PDGFC: variants seen among roughly 807,000 people sequenced by gnomAD.
The protein encoded by PDGFC is platelet-derived growth factor C.
Under a neutral mutation model 35.5 loss-of-function variants are expected in PDGFC, and 12 were observed. The observed-to-expected ratio is 0.34, with a 90% CI of 0.22 to 0.55. The LOEUF (loss-of-function observed/expected upper bound fraction) is 0.55. Ranked by LOEUF, PDGFC falls within the 20% of genes least tolerant of loss-of-function variation. PDGFC has a pLI of 0.91. For missense variants in PDGFC, 322 were observed against 412.4 expected (o/e 0.78, Z 1.90); for synonymous variants, 159 against 148.8 (o/e 1.07, Z -0.50).
At chr4:156,944,991 G>T (rs1247365495) in intron 1 of PDGFC, among the ~76,000 whole-genome samples, 1 of 151,754 alleles carries the variant, frequency 6.6e-6, no homozygotes, top group Admixed American at 6.6e-5. Context: ...CAAGATCTGT[G>T]CTCAAAGTCA....
chr4:156,849,968 T>C (rs1431678247), intron 2 of PDGFC, among the ~76,000 whole-genome samples: 1 of 152,124 alleles, frequency 6.6e-6, no homozygotes, highest in Non-Finnish European at 1.5e-5. Context: ...ATTCCATGTA[T>C]GCTTTTTTAC....
intron 2 of PDGFC, among the ~76,000 whole-genome samples, chr4:156,828,466 C>G (rs1728840871): frequency 6.6e-6 from 1 of 152,116 alleles, no homozygotes; most frequent in African/African-American, 2.4e-5. Context: ...TTCCAGATTT[C>G]TAGGAAAGAA....
At chr4:156,845,161 GAAC>G (rs1412486847) in intron 2 of PDGFC, among the ~76,000 whole-genome samples, 1 of 151,536 alleles carries the variant, frequency 6.6e-6, no homozygotes, top group Non-Finnish European at 1.5e-5. Context: ...TAAAAGAAGA[GAAC>G]AATAGATATT....
chr4:156,955,549 C>T (rs1421093742), intron 1 of PDGFC, among the ~76,000 whole-genome samples: 2 of 151,544 alleles, frequency 1.3e-5, no homozygotes, highest in African/African-American at 2.4e-5. Context: ...TGGGAAAAAC[C>T]CTATTTGCTG....
In PDGFC at chr4:156,763,165, G is replaced by C. The variant is rs1232243537; in HGVS notation, c.963C>G (p.His321Gln). 1 of 1,612,390 alleles carries C rather than the reference G, an allele frequency of 6.2e-7. No individual in the cohort carries two copies. Among genetic ancestry groups the C allele is most frequent in the East Asian group, 2.2e-5 (1 of 44,848 alleles). ...CCAGGGCCACGTCGGTGAGTGATTT[G>C]TGCAATCCCCTGACACCGGTCTTTG... is the stretch of plus-strand genomic sequence containing the variant. Reference protein sequence around the residue: ...LRPKTGVRGLHKSLTDVALEH... With the variant: ...LRPKTGVRGLQKSLTDVALEH... The change falls in exon 6 of 6, where the codon CAC (histidine) becomes CAG (glutamine). Residue 321 changes from histidine (H) to glutamine (Q), a missense_variant. Around this residue, in one of 2 missense-constraint regions of PDGFC, gnomAD observed 202 missense variants for 295.9 expected, o/e 0.68. Coordinates refer to ENST00000502773, the MANE Select transcript of PDGFC (RefSeq NM_016205.3).
intron 1 of PDGFC, among the ~76,000 whole-genome samples, chr4:156,856,355 A>T (rs1485083382): frequency 6.6e-6 from 1 of 152,084 alleles, no homozygotes; most frequent in Non-Finnish European, 1.5e-5. Flanking sequence ...TATAATGAGA[A>T]CCTATTATGT....
chr4:156,820,985 A>C (rs1314003376), intron 2 of PDGFC, among the ~76,000 whole-genome samples: 3 of 152,166 alleles, frequency 2.0e-5, no homozygotes, highest in Non-Finnish European at 1.5e-5. Context: ...ATAAGATAAA[A>C]AGTTGTAATA....
chr4:156,882,787 T>C (rs1054341608), intron 1 of PDGFC, among the ~76,000 whole-genome samples: 1 of 152,096 alleles, frequency 6.6e-6, no homozygotes, highest in African/African-American at 2.4e-5. Flanking sequence ...AAATTTAACT[T>C]AGAAAATGTC....
rs779909214 is a variant in PDGFC, at chr4:156,762,229, T to C, written c.*861A>G. On this transcript the variant is annotated 3_prime_UTR_variant, in exon 6 of 6. Coordinates refer to ENST00000502773, the MANE Select transcript of PDGFC (RefSeq NM_016205.3). ...ATCTTTGTTCCTCTGGCTATAACAA[T>C]TGTGTTTAGAAAAATTTACCAAGCT... The C allele has an allele frequency of 3.3e-5, 5 of 152,616 alleles. No individual in the cohort carries two copies. The highest frequency in any genetic ancestry group is 6.5e-5 in the Admixed American group (1 of 15,274). The allele number at this position is 152,616 out of a possible 1,614,324, so 9.5% of individuals were successfully genotyped here.
At chr4:156,783,259 G>C (rs1267423170) in intron 3 of PDGFC, among the ~76,000 whole-genome samples, 1 of 152,140 alleles carries the variant, frequency 6.6e-6, no homozygotes, top group African/African-American at 2.4e-5. Flanking sequence ...GATTGGGAAG[G>C]CTTTGTGTGT....
At chr4:156,926,049 C>CAAAAAAAA (rs397707839) in intron 1 of PDGFC, among the ~76,000 whole-genome samples, 5 of 67,546 alleles carry the variant, frequency 7.4e-5, no homozygotes, top group East Asian at 5.4e-4. Context: ...AGATCTGTCT[C>CAAAAAAAA]AAAAAAAAAA....
At chr4:156,967,857 A>G (rs898123937) in intron 1 of PDGFC, 1 of 152,226 alleles carries the variant, frequency 6.6e-6, no homozygotes. Context: ...TCTTTCCTCA[A>G]GTTAAATCTG....
chr4:156,886,347 A>T (rs1315967967), intron 1 of PDGFC, among the ~76,000 whole-genome samples: 1 of 152,218 alleles, frequency 6.6e-6, no homozygotes, highest in East Asian at 1.9e-4. Context: ...CAAAAGGTTA[A>T]CTGCTACTTC....
chr4:156,948,028 A>G (rs993386675), intron 1 of PDGFC, among the ~76,000 whole-genome samples: 10 of 151,924 alleles, frequency 6.6e-5, no homozygotes, highest in African/African-American at 2.2e-4. Flanking sequence ...ATGGTGTGCC[A>G]TAGAATGCAG....
Position 156,767,706 on chromosome 4 carries a change from A to AG in PDGFC, c.921+66dup. The AG allele has an allele frequency of 6.3e-6, 6 of 954,958 alleles. 1 individual carries two copies. The South Asian group carries it at 8.3e-5, about 13-fold the overall frequency. The allele number at this position is 954,958 out of a possible 1,614,324, so 59.2% of individuals were successfully genotyped here. On this transcript the variant is annotated intron_variant, in intron 5 of 5. Coordinates refer to ENST00000502773, the MANE Select transcript of PDGFC (RefSeq NM_016205.3). ...TTTTTTCCAAACATAAACGCATTTC[A>AG]GATTCACTGTTTTGTTCTAAGACAT...
At chr4:156,874,252 C>A (rs183997282) in intron 1 of PDGFC, among the ~76,000 whole-genome samples, 1 of 152,080 alleles carries the variant, frequency 6.6e-6, no homozygotes, top group Non-Finnish European at 1.5e-5. Context: ...ATTGTCTTAA[C>A]CATAATACAA....
chr4:156,838,045 T>G (rs1729105597), intron 2 of PDGFC, among the ~76,000 whole-genome samples: 2 of 152,110 alleles, frequency 1.3e-5, no homozygotes, highest in South Asian at 4.1e-4. Context: ...ATTATGCCAC[T>G]GGGCTAACTA....
intron 1 of PDGFC, among the ~76,000 whole-genome samples, chr4:156,903,254 A>T (rs1730836917): frequency 6.6e-6 from 1 of 152,090 alleles, no homozygotes; most frequent in Non-Finnish European, 1.5e-5. Flanking sequence ...TATGAAAATA[A>T]TTTATAGAAC....
intron 3 of PDGFC, among the ~76,000 whole-genome samples, chr4:156,773,099 A>T (rs1252047990): frequency 6.6e-6 from 1 of 152,220 alleles, no homozygotes; most frequent in Non-Finnish European, 1.5e-5. Flanking sequence ...AAAGACATTA[A>T]TTTTCATTAC....
Sources: gnomAD v4.1 joint callset for allele counts (sites outside exome capture counted in the v4.1 genomes callset) on GRCh38, gnomAD v4.1.1 for gene constraint, gnomAD v4.1.1 regional missense constraint, MANE v1.5 for transcripts, NCBI Gene and HGNC (gene_info 2026-07-23, HGNC 2026-07-21) for gene names.